Variants in KIAA0825 observed in about 807,000 individuals in gnomAD.
The protein encoded by KIAA0825 is uncharacterized protein KIAA0825.
KIAA0825 carries 119 observed loss-of-function variants against 147.6 expected under a neutral mutation model. The observed-to-expected ratio is 0.81, with a 90% CI of 0.69 to 0.94. KIAA0825 has a LOEUF of 0.94. KIAA0825 is among the 40% of genes least tolerant of loss of function. The pLI, the probability that KIAA0825 is intolerant of heterozygous loss-of-function variation, is 0.00. For missense variants in KIAA0825, 1,381 were observed against 1,472.7 expected (o/e 0.94, Z 1.02); for synonymous variants, 470 against 518.1 (o/e 0.91, Z 1.26).
chr5:94,528,087 G>A (rs1426852067), intron 3 of KIAA0825, among the ~76,000 whole-genome samples: 1 of 152,116 alleles, frequency 6.6e-6, no homozygotes, highest in East Asian at 1.9e-4. Context: ...AACTTGTCCT[G>A]AATTGTTTTC....
intron 2 of KIAA0825, among the ~76,000 whole-genome samples, chr5:94,563,430 A>G (rs1777950770): frequency 6.6e-6 from 1 of 152,164 alleles, no homozygotes; most frequent in African/African-American, 2.4e-5. Context: ...CTATATGTCA[A>G]TTATAGTGAA....
At chr5:94,229,155 T>A (rs966514808) in intron 20 of KIAA0825, among the ~76,000 whole-genome samples, 1 of 152,244 alleles carries the variant, frequency 6.6e-6, no homozygotes, top group Admixed American at 6.5e-5. Context: ...TTTCTTGGTT[T>A]GCTCCATTAT....
At chr5:94,245,405 A>T (rs1431357735) in intron 20 of KIAA0825, among the ~76,000 whole-genome samples, 3 of 152,204 alleles carry the variant, frequency 2.0e-5, no homozygotes, top group Non-Finnish European at 4.4e-5. Flanking sequence ...TTTAAAACTG[A>T]AGCCTGCTTA....
chr5:94,488,366 A>G (rs1186934530), intron 5 of KIAA0825, among the ~76,000 whole-genome samples: 1 of 152,208 alleles, frequency 6.6e-6, no homozygotes, highest in Non-Finnish European at 1.5e-5. Context: ...TTGCTGTAAA[A>G]TATCTGACAT....
chr5:94,259,021 C>T (rs1434458446), intron 20 of KIAA0825, among the ~76,000 whole-genome samples: 2 of 151,964 alleles, frequency 1.3e-5, no homozygotes, highest in East Asian at 3.9e-4. Flanking sequence ...AATTCAACTG[C>T]CCCTTTTAGT....
chr5:94,519,777 T>C, intron 5 of KIAA0825: 2 of 826,184 alleles, frequency 2.4e-6, no homozygotes, highest in Non-Finnish European at 2.9e-6. Flanking sequence ...TAATAATGCT[T>C]TAGCTTTGGA....
chr5:94,529,244 A>ATATATATGCATATAT (rs1561267886), intron 3 of KIAA0825, among the ~76,000 whole-genome samples: 1 of 123,252 alleles, frequency 8.1e-6, no homozygotes, highest in Non-Finnish European at 1.6e-5. Flanking sequence ...ATGTATATAT[A>ATATATATGCATATAT]CATATATATG....
intron 20 of KIAA0825, among the ~76,000 whole-genome samples, chr5:94,334,463 C>A (rs1279403419): frequency 6.6e-6 from 1 of 152,138 alleles, no homozygotes; most frequent in Admixed American, 6.5e-5. Context: ...AAAGATTTCA[C>A]AACCGACTTT....
intron 1 of KIAA0825, among the ~76,000 whole-genome samples, chr5:94,613,738 T>A (rs1789577833): frequency 6.6e-6 from 1 of 152,206 alleles, no homozygotes. Context: ...AGTTACACAG[T>A]GTATATCCAA....
At chr5:94,464,078 A>C (rs1019400381) in intron 11 of KIAA0825, among the ~76,000 whole-genome samples, 1 of 151,428 alleles carries the variant, frequency 6.6e-6, no homozygotes, top group Non-Finnish European at 1.5e-5. Context: ...AAAAAAAAAA[A>C]AAAAAAAGAA....
chr5:94,576,020 T>C (rs779203768), intron 2 of KIAA0825, among the ~76,000 whole-genome samples: 62 of 152,240 alleles, frequency 4.1e-4, no homozygotes, highest in Non-Finnish European at 2.5e-4. Flanking sequence ...AAATTAGTGT[T>C]AGACATAATG....
At position 94,484,835 on chromosome 5, in the gene KIAA0825, C is replaced by G. The variant is rs1301211657; in HGVS notation, c.1066G>C (p.Glu356Gln). 1 of 1,531,538 alleles carries G rather than the reference C, an allele frequency of 6.5e-7. No individual in the cohort carries two copies. Among genetic ancestry groups the G allele is most frequent in the Non-Finnish European group, 8.8e-7 (1 of 1,133,362 alleles). The allele number at this position is 1,531,538 out of a possible 1,614,324, so 94.9% of individuals were successfully genotyped here. A position where few individuals can be genotyped will look rare whatever the true frequency, so the allele number is the denominator to read the frequency against. ...TCAAACAATTCTTGAACACCTTTTT[C>G]CAGTTTCATAAAGGATTTTATGAGC... Reference protein sequence around the residue: ...SQLIKSFMKLEKGVQELFDEI... With the variant: ...SQLIKSFMKLQKGVQELFDEI... The change falls in exon 6 of 21, where the codon GAA (glutamate) becomes CAA (glutamine). Residue 356 changes from glutamate (E) to glutamine (Q), a missense_variant. Coordinates refer to ENST00000682413, the MANE Select transcript of KIAA0825 (RefSeq NM_001145678.3).
chr5:94,322,676 A>G (rs530930789), intron 20 of KIAA0825, among the ~76,000 whole-genome samples: 60 of 151,984 alleles, frequency 3.9e-4, no homozygotes, highest in Admixed American at 2.8e-3. Context: ...TCCTATACAT[A>G]TGGGACTCAA....
intron 3 of KIAA0825, among the ~76,000 whole-genome samples, chr5:94,529,268 T>C (rs1770095486): frequency 7.6e-6 from 1 of 131,476 alleles, no homozygotes; most frequent in South Asian, 2.1e-4. Flanking sequence ...ATATCATATA[T>C]ATGTATGTAT....
At chr5:94,278,751 T>C (rs915095431) in intron 20 of KIAA0825, among the ~76,000 whole-genome samples, 1 of 152,116 alleles carries the variant, frequency 6.6e-6, no homozygotes, top group Non-Finnish European at 1.5e-5. Flanking sequence ...GTAAATGAAG[T>C]TGAAATGTAC....
chr5:94,466,678 G>A (rs1041405818), intron 10 of KIAA0825, among the ~76,000 whole-genome samples: 8 of 149,762 alleles, frequency 5.3e-5, no homozygotes, highest in Middle Eastern at 3.5e-3. Context: ...CAGAGCTTGC[G>A]GTGAGCCGAG....
At chr5:94,197,533 T>C (rs967006039) in intron 20 of KIAA0825, among the ~76,000 whole-genome samples, 4 of 152,224 alleles carry the variant, frequency 2.6e-5, no homozygotes, top group African/African-American at 9.6e-5. Flanking sequence ...GACTTCATCA[T>C]GAAATTGTTG....
intron 2 of KIAA0825, among the ~76,000 whole-genome samples, chr5:94,562,678 AT>A (rs2152295433): frequency 6.6e-6 from 1 of 152,342 alleles, no homozygotes; most frequent in East Asian, 1.9e-4. Flanking sequence ...ATGCATTTTA[AT>A]TTTAACTAAA....
intron 20 of KIAA0825, among the ~76,000 whole-genome samples, chr5:94,300,433 T>C (rs1364765192): frequency 6.6e-6 from 1 of 152,076 alleles, no homozygotes; most frequent in South Asian, 2.1e-4. Context: ...TTACTTAATA[T>C]CAAAATTTTA....
Sources: gnomAD v4.1 joint callset for allele counts (sites outside exome capture counted in the v4.1 genomes callset) on GRCh38, gnomAD v4.1.1 for gene constraint, MANE v1.5 for transcripts, NCBI Gene and HGNC (gene_info 2026-07-23, HGNC 2026-07-21) for gene names.